The following LARS2 variants were observed in gnomAD, a reference collection of about 807,000 sequenced individuals.
The protein encoded by LARS2 is leucyl-tRNA synthetase 2, mitochondrial, also known as leucine--tRNA ligase, mitochondrial.
A neutral mutation model predicts 116.6 loss-of-function variants in LARS2; 81 were observed. The ratio of observed to expected loss-of-function variants is 0.69; its 90% CI spans 0.58 to 0.84. The LOEUF (loss-of-function observed/expected upper bound fraction) is 0.84, where lower values mean the gene tolerates loss of function less well. Ranked by LOEUF, LARS2 falls within the 40% of genes least tolerant of loss-of-function variation. LARS2 has a pLI of 0.00. For synonymous variants in LARS2, 396 were observed against 407.2 expected, an observed-to-expected ratio of 0.97 and a Z score of 0.33; for missense variants, 968 against 1,114.5, an observed-to-expected ratio of 0.87 and a Z score of 1.87.
chr3:45,439,624 GTT>G (rs11325399), intron 6 of LARS2, among the ~76,000 whole-genome samples: 6 of 145,350 alleles, frequency 4.1e-5, no homozygotes, highest in African/African-American at 1.3e-4. Context: ...ATTTCTAACT[GTT>G]TTTTTTTTTT....
intron 12 of LARS2, among the ~76,000 whole-genome samples, 184 bp downstream of exon 12, chr3:45,488,996 A>G (rs777095415): frequency 1.3e-5 from 2 of 152,260 alleles, no homozygotes; most frequent in Non-Finnish European, 2.9e-5. Flanking sequence ...ATTGTAAATC[A>G]AATTCAGTCC....
At chr3:45,427,568 A>G (rs1698614571) in intron 6 of LARS2, among the ~76,000 whole-genome samples, 1 of 152,246 alleles carries the variant, frequency 6.6e-6, no homozygotes, top group African/African-American at 2.4e-5. Context: ...TTTTGCAAAT[A>G]CAAGACTTAC....
At chr3:45,406,553 A>C (rs997159132) in intron 4 of LARS2, among the ~76,000 whole-genome samples, 8 of 152,128 alleles carry the variant, frequency 5.3e-5, no homozygotes, top group African/African-American at 1.7e-4. Context: ...GTGTATGTAG[A>C]GGGGCAGGTG....
intron 12 of LARS2, among the ~76,000 whole-genome samples, chr3:45,489,190 A>T (rs1699868537): frequency 6.6e-6 from 1 of 152,220 alleles, no homozygotes; most frequent in African/African-American, 2.4e-5. Flanking sequence ...TAACTCACTT[A>T]TAGAAATGAA....
intron 20 of LARS2, among the ~76,000 whole-genome samples, chr3:45,535,359 AAAAAAAAAG>A (rs1475986441): frequency 2.6e-5 from 1 of 38,406 alleles, no homozygotes; most frequent in Non-Finnish European, 1.7e-4. Flanking sequence ...TCTCAATTAA[AAAAAAAAAG>A]AAAAGAAAAG....
At chr3:45,504,582 A>G (rs919268421) in intron 15 of LARS2, among the ~76,000 whole-genome samples, 6 of 151,940 alleles carry the variant, frequency 3.9e-5, no homozygotes, top group Non-Finnish European at 8.8e-5. Flanking sequence ...CCTCACATAA[A>G]CAAATTTGTT....
intron 19 of LARS2, among the ~76,000 whole-genome samples, chr3:45,523,417 C>T (rs1187494181): frequency 6.6e-6 from 1 of 152,190 alleles, no homozygotes; most frequent in East Asian, 1.9e-4. Flanking sequence ...AGATTGCCCT[C>T]CCTTGCTGAT....
At chr3:45,449,311 C>T (rs183824604) in intron 7 of LARS2, among the ~76,000 whole-genome samples, 239 of 151,924 alleles carry the variant, frequency 1.6e-3, no homozygotes, top group Non-Finnish European at 2.4e-3. Context: ...TACAGGCATG[C>T]GCCACCACGC....
intron 14 of LARS2, among the ~76,000 whole-genome samples, chr3:45,499,301 G>A (rs1240240639): frequency 6.6e-6 from 1 of 152,128 alleles, no homozygotes; most frequent in African/African-American, 2.4e-5. Flanking sequence ...AATTAGCCTG[G>A]TGTGGTGTCA....
intron 6 of LARS2, among the ~76,000 whole-genome samples, chr3:45,430,339 C>T (rs1299778693): frequency 2.0e-5 from 3 of 148,048 alleles, no homozygotes; most frequent in African/African-American, 7.5e-5. Flanking sequence ...AGTACTGTGG[C>T]GTGATCACGG....
intron 11 of LARS2, among the ~76,000 whole-genome samples, chr3:45,488,302 G>A (rs921997444): frequency 2.4e-4 from 37 of 151,974 alleles, no homozygotes; most frequent in African/African-American, 8.5e-4. Context: ...GCATGGTAGC[G>A]CACGCCTGTT....
chr3:45,444,583 G>C (rs1698984075), intron 6 of LARS2, among the ~76,000 whole-genome samples: 1 of 132,878 alleles, frequency 7.5e-6, no homozygotes, highest in African/African-American at 2.7e-5. Context: ...AGAATGGCGT[G>C]AACCCGGGAG....
At chr3:45,441,107 C>T (rs984810089) in intron 6 of LARS2, among the ~76,000 whole-genome samples, 2 of 150,280 alleles carry the variant, frequency 1.3e-5, no homozygotes, top group Middle Eastern at 3.5e-3. Flanking sequence ...CTCACTGCAA[C>T]CTCCACCTCC....
In LARS2 at chr3:45,446,947, A is replaced by T. The variant is rs780088018; in HGVS notation, c.573A>T (p.Lys191Asn). 2.5e-6 allele frequency: 4 copies of T among 1,610,092 alleles called. No homozygotes were observed. In the African/African-American group the frequency reaches 4.0e-5, roughly 16 times the overall value. ...YYKWTQYLFI[K>N]LYEAGLAYQK... ...AGTGGACTCAGTATCTCTTTATTAAACTGTATGAGGCTGGGCTGGCCTATC... is the reference window on the plus strand; with the variant it reads ...AGTGGACTCAGTATCTCTTTATTAATCTGTATGAGGCTGGGCTGGCCTATC... The change falls in exon 7 of 22, where the codon AAA becomes AAT. Residue 191 changes from lysine (K) to asparagine (N), a missense_variant. Transcript: ENST00000645846.
chr3:45,522,349 A>G (rs1700468021), intron 19 of LARS2, among the ~76,000 whole-genome samples: 1 of 152,232 alleles, frequency 6.6e-6, no homozygotes, highest in African/African-American at 2.4e-5. Context: ...TCATATCAAT[A>G]AGAAAGGAAT....
intron 20 of LARS2, among the ~76,000 whole-genome samples, chr3:45,539,957 A>G (rs1325803296): frequency 2.0e-5 from 3 of 152,204 alleles, no homozygotes; most frequent in Non-Finnish European, 2.9e-5. Flanking sequence ...TTAAATTACT[A>G]TATTTTAAAA....
At chr3:45,507,813 A>G (rs921273233) in intron 15 of LARS2, among the ~76,000 whole-genome samples, 1 of 152,042 alleles carries the variant, frequency 6.6e-6, no homozygotes, top group Non-Finnish European at 1.5e-5. Flanking sequence ...TGAGCCCAAT[A>G]TACTTCTGAT....
chr3:45,535,055 AAG>A, intron 20 of LARS2, among the ~76,000 whole-genome samples: 1 of 152,274 alleles, frequency 6.6e-6, no homozygotes, highest in East Asian at 1.9e-4. Context: ...TCAACAGTAA[AAG>A]AGCAGAAAAT....
At chr3:45,485,964 A>G (rs111670137) in intron 11 of LARS2, among the ~76,000 whole-genome samples, 168 bp downstream of exon 11, 1 of 151,994 alleles carries the variant, frequency 6.6e-6, no homozygotes. Flanking sequence ...TTTCAGAACT[A>G]CATTTTGAAA....
Sources: allele counts gnomAD v4.1 joint callset (sites outside exome capture counted in the v4.1 genomes callset), GRCh38; gene constraint gnomAD v4.1.1; transcripts MANE v1.5; gene names NCBI Gene and HGNC (gene_info 2026-07-23, HGNC 2026-07-21).